Variants in FHOD3 observed in about 807,000 individuals in gnomAD.
The protein encoded by FHOD3 is FH1/FH2 domain-containing protein 3.
In FHOD3, 90 loss-of-function variants were observed where a neutral mutation model predicts 173.0. The observed-to-expected ratio is 0.52, with a 90% CI of 0.44 to 0.62. The LOEUF is 0.62. Among genes scored for constraint, FHOD3 ranks in the 20% least tolerant of loss-of-function variants. The probability of loss-of-function intolerance (pLI) is 0.00; values close to 1 mark genes in which losing one functional copy is unlikely to be tolerated. For synonymous variants in FHOD3, 828 were observed against 823.0 expected, an observed-to-expected ratio of 1.01 and a Z score of -0.10; for missense variants, 1,945 against 2,034.7, an observed-to-expected ratio of 0.96 and a Z score of 0.85.
intron 3 of FHOD3, among the ~76,000 whole-genome samples, chr18:36,379,424 T>C (rs893940691): frequency 6.6e-6 from 1 of 152,252 alleles, no homozygotes; most frequent in African/African-American, 2.4e-5. Flanking sequence ...CTTGGTTACC[T>C]TTCATCTCTA....
intron 12 of FHOD3, 144 bp downstream of exon 12, chr18:36,653,073 G>C (rs1361350559): frequency 2.3e-5 from 26 of 1,138,858 alleles, no homozygotes; most frequent in African/African-American, 3.1e-5. Context: ...ATAAACTTAA[G>C]TTGCTGACCC....
intron 15 of FHOD3, among the ~76,000 whole-genome samples, chr18:36,682,118 A>C (rs539261505): frequency 6.6e-6 from 1 of 152,166 alleles, no homozygotes; most frequent in East Asian, 1.9e-4. Context: ...TCCTGGCTAT[A>C]GCTCATTCCA....
rs4413037 is a variant in FHOD3 at position 36,427,287 on chromosome 18, A to T, written c.337+54543A>T. Reference sequence around the variant, plus strand: ...AAACTAGAACTGATCTTGCTTCTCTAAAAAAAAAAAAAAAAAAAAAAAAAA... The same window carrying T: ...AAACTAGAACTGATCTTGCTTCTCTTAAAAAAAAAAAAAAAAAAAAAAAAA... On this transcript the variant is annotated intron_variant, in intron 3 of 28. Transcript: ENST00000590592. Among the ~76,000 whole-genome samples, 39 of 44,002 alleles carry T rather than the reference A, an allele frequency of 8.9e-4. 1 individual carries two copies. Among genetic ancestry groups the T allele is most frequent in the Admixed American group, 8.6e-3 (30 of 3,486 alleles). The allele number at this position is 44,002 out of a possible 152,430, so 28.9% of individuals were successfully genotyped here.
At chr18:36,491,842 A>G (rs1470637751) in intron 3 of FHOD3, among the ~76,000 whole-genome samples, 4 of 152,076 alleles carry the variant, frequency 2.6e-5, no homozygotes, top group Non-Finnish European at 4.4e-5. Flanking sequence ...TAAACACTCC[A>G]TTGTATGGAT....
intron 1 of FHOD3, among the ~76,000 whole-genome samples, chr18:36,329,863 C>T (rs2044894895): frequency 6.6e-6 from 1 of 152,252 alleles, no homozygotes; most frequent in Non-Finnish European, 1.5e-5. Flanking sequence ...TGCCATCAAC[C>T]TGAGACTTAC....
intron 10 of FHOD3, among the ~76,000 whole-genome samples, chr18:36,627,187 C>G (rs2034174466): frequency 6.6e-6 from 1 of 152,196 alleles, no homozygotes; most frequent in African/African-American, 2.4e-5. Context: ...CCTCGAAGCT[C>G]TCTTCCAGCT....
chr18:36,409,970 C>T (rs950062555), intron 3 of FHOD3, among the ~76,000 whole-genome samples: 1 of 152,222 alleles, frequency 6.6e-6, no homozygotes, highest in African/African-American at 2.4e-5. Flanking sequence ...CCATGCCTGT[C>T]ATGATGCTGT....
intron 5 of FHOD3, among the ~76,000 whole-genome samples, chr18:36,559,573 A>T (rs2058018572): frequency 6.6e-6 from 1 of 152,170 alleles, no homozygotes; most frequent in Non-Finnish European, 1.5e-5. Flanking sequence ...CTTGGGCAGG[A>T]CACACAAGCC....
Position 36,779,716 on chromosome 18 carries a change from C to A in FHOD3, c.*186C>A. 1 of 597,418 alleles carries A rather than the reference C, an allele frequency of 1.7e-6. No individual in the cohort carries two copies. Among genetic ancestry groups the A allele is most frequent in the South Asian group, 2.1e-5 (1 of 47,940 alleles). 37.0% of individuals were successfully genotyped at this position (597,418 alleles called of 1,614,324 possible). ...CGCATTGACTTGGATCTCCAGGAGTCCCCTGCACATACCTTCTCCATCGTG... is the reference window on the plus strand; with the variant it reads ...CGCATTGACTTGGATCTCCAGGAGTACCCTGCACATACCTTCTCCATCGTG... On this transcript the variant is annotated 3_prime_UTR_variant, in exon 29 of 29. Transcript: ENST00000590592.
At chr18:36,564,099 C>T (rs1443295794) in intron 5 of FHOD3, among the ~76,000 whole-genome samples, 2 of 152,108 alleles carry the variant, frequency 1.3e-5, no homozygotes, top group African/African-American at 4.8e-5. Flanking sequence ...CCCCAGGTGA[C>T]ACCCCAGGTG....
chr18:36,697,065 A>C (rs2039325898), intron 17 of FHOD3, among the ~76,000 whole-genome samples: 1 of 152,258 alleles, frequency 6.6e-6, no homozygotes, highest in South Asian at 2.1e-4. Flanking sequence ...AGAGTTCTTC[A>C]ACATAATTCT....
intron 14 of FHOD3, among the ~76,000 whole-genome samples, chr18:36,661,945 G>A (rs1288740704): frequency 6.6e-6 from 1 of 152,160 alleles, no homozygotes; most frequent in African/African-American, 2.4e-5. Flanking sequence ...AGGAATACAA[G>A]ATGCAACTGT....
intron 3 of FHOD3, among the ~76,000 whole-genome samples, chr18:36,389,756 G>C (rs2048206608): frequency 6.6e-6 from 1 of 152,114 alleles, no homozygotes; most frequent in African/African-American, 2.4e-5. Flanking sequence ...ATTCCCCTCA[G>C]ATCCCCAGGA....
chr18:36,614,319 AG>A (rs2032988631), intron 9 of FHOD3, among the ~76,000 whole-genome samples: 1 of 152,348 alleles, frequency 6.6e-6, no homozygotes, highest in South Asian at 2.1e-4. Flanking sequence ...CTACGTTTGC[AG>A]AATCACTACT....
intron 14 of FHOD3, among the ~76,000 whole-genome samples, chr18:36,661,942 C>A (rs928856672): frequency 5.9e-5 from 9 of 152,186 alleles, no homozygotes; most frequent in African/African-American, 2.2e-4. Flanking sequence ...CTCAGGAATA[C>A]AAGATGCAAC....
intron 1 of FHOD3, among the ~76,000 whole-genome samples, chr18:36,316,958 G>A (rs2044160181): frequency 6.6e-6 from 1 of 151,430 alleles, no homozygotes; most frequent in South Asian, 2.1e-4. Context: ...CCACTTATGA[G>A]TGAGAACATG....
intron 8 of FHOD3, among the ~76,000 whole-genome samples, chr18:36,608,445 A>G (rs2148573380): frequency 6.6e-6 from 1 of 152,346 alleles, no homozygotes; most frequent in South Asian, 2.1e-4. Context: ...ATCACTGCTT[A>G]AAGGTTCTCC....
Position 36,422,094 on chromosome 18 carries a change from T to G in FHOD3, c.337+49350T>G, listed in dbSNP as rs530628193. 6.3e-4 allele frequency among the ~76,000 whole-genome samples: 96 copies of G among 152,344 alleles called. 2 individuals carry two copies. The South Asian group carries it at 0.018, about 29-fold the overall frequency. Reference sequence around the variant, plus strand: ...TGATTTATAGTAAAATATCTCATGTTGTTATTCCCTCTCACCTTCGACTTT... The same window carrying G: ...TGATTTATAGTAAAATATCTCATGTGGTTATTCCCTCTCACCTTCGACTTT... On this transcript the variant is annotated intron_variant, in intron 3 of 28. Transcript: ENST00000590592.
At chr18:36,690,464 G>C (rs1160709306) in intron 16 of FHOD3, among the ~76,000 whole-genome samples, 10 of 152,088 alleles carry the variant, frequency 6.6e-5, no homozygotes, top group Non-Finnish European at 8.8e-5. Flanking sequence ...TGGGTCCTCA[G>C]ATCAAGTACT....
Sources: allele counts gnomAD v4.1 joint callset (sites outside exome capture counted in the v4.1 genomes callset), GRCh38; gene constraint gnomAD v4.1.1; transcripts MANE v1.5; gene names NCBI Gene and HGNC (gene_info 2026-07-23, HGNC 2026-07-21).